The following KHDRBS2 variants were observed in gnomAD, a reference collection of about 807,000 sequenced individuals.
KHDRBS2 encodes the protein KH domain-containing, RNA-binding, signal transduction-associated protein 2.
KHDRBS2 carries 26 observed loss-of-function variants against 44.3 expected under a neutral mutation model. The observed-to-expected ratio is 0.59, with a 90% CI of 0.43 to 0.81. The LOEUF (loss-of-function observed/expected upper bound fraction) is 0.81. Among genes scored for constraint, KHDRBS2 ranks in the 40% least tolerant of loss-of-function variants. KHDRBS2 has a pLI of 0.00. For missense variants in KHDRBS2, 476 were observed against 433.1 expected (o/e 1.10, Z -0.88); for synonymous variants, 194 against 151.1 (o/e 1.28, Z -2.08).
intron 3 of KHDRBS2, among the ~76,000 whole-genome samples, chr6:61,981,803 G>A (rs2127405332): frequency 6.6e-6 from 1 of 152,226 alleles, no homozygotes; most frequent in East Asian, 1.9e-4. Flanking sequence ...TAAAATGTAT[G>A]GGAAGCATTG....
At chr6:61,569,823 A>G in the KHDRBS2 span, among the ~76,000 whole-genome samples, 1 of 152,152 alleles carries the variant, frequency 6.6e-6, no homozygotes, top group African/African-American at 2.4e-5. Flanking sequence ...CAAAAGAACA[A>G]TAACAATCAT....
At chr6:62,097,194 C>T (rs1477946317) in intron 2 of KHDRBS2, among the ~76,000 whole-genome samples, 18 of 151,590 alleles carry the variant, frequency 1.2e-4, no homozygotes, top group African/African-American at 3.4e-4. Flanking sequence ...GAGTAGAGTG[C>T]GTATTCTGAA....
At chr6:61,677,423 A>G (rs1256164405), downstream of KHDRBS2, among the ~76,000 whole-genome samples, 1 of 151,954 alleles carries the variant, frequency 6.6e-6, no homozygotes, top group East Asian at 1.9e-4. Context: ...TAACTCTGTA[A>G]TTTTTGATGT....
At chr6:62,200,356 C>T (rs1277172952) in intron 1 of KHDRBS2, among the ~76,000 whole-genome samples, 1 of 152,110 alleles carries the variant, frequency 6.6e-6, no homozygotes, top group Admixed American at 6.6e-5. Context: ...GGCTAATATC[C>T]AGAATCTACA....
chr6:62,022,837 T>A (rs1782595418), intron 3 of KHDRBS2, among the ~76,000 whole-genome samples: 1 of 151,728 alleles, frequency 6.6e-6, no homozygotes, highest in African/African-American at 2.4e-5. Flanking sequence ...ATTGCAATAG[T>A]GAAATTCCTT....
At chr6:62,115,308 T>A (rs1016584199) in intron 2 of KHDRBS2, among the ~76,000 whole-genome samples, 1 of 152,142 alleles carries the variant, frequency 6.6e-6, no homozygotes, top group African/African-American at 2.4e-5. Flanking sequence ...CAGCACCTTA[T>A]ATACCAATGG....
intron 6 of KHDRBS2, among the ~76,000 whole-genome samples, chr6:61,818,419 C>T (rs904410032): frequency 1.3e-5 from 2 of 151,758 alleles, no homozygotes; most frequent in African/African-American, 2.4e-5. Flanking sequence ...GAAGTGGAAG[C>T]ACCAATGCTA....
At chr6:62,028,391 T>C (rs1783755926) in intron 3 of KHDRBS2, among the ~76,000 whole-genome samples, 1 of 152,118 alleles carries the variant, frequency 6.6e-6, no homozygotes, top group African/African-American at 2.4e-5. Context: ...TTGATGAAAA[T>C]ACTTGAGAAC....
At chr6:62,039,459 A>G (rs1786011533) in intron 3 of KHDRBS2, among the ~76,000 whole-genome samples, 1 of 151,928 alleles carries the variant, frequency 6.6e-6, no homozygotes, top group Admixed American at 6.6e-5. Context: ...CTAAATATAT[A>G]TTAATAGTAT....
the KHDRBS2 span, among the ~76,000 whole-genome samples, chr6:61,673,571 CAA>C: frequency 2.7e-3 from 388 of 142,872 alleles, 1 homozygote; most frequent in Non-Finnish European, 5.0e-3. Flanking sequence ...GCAACTTCAG[CAA>C]AGTCTCAGGA....
intron 6 of KHDRBS2, among the ~76,000 whole-genome samples, chr6:61,748,361 T>A (rs1482401776): frequency 6.6e-6 from 1 of 152,180 alleles, no homozygotes; most frequent in African/African-American, 2.4e-5. Flanking sequence ...ATGTATTTAT[T>A]TATTTTTGAT....
At chr6:62,109,934 G>C (rs1407548888) in intron 2 of KHDRBS2, among the ~76,000 whole-genome samples, 1 of 151,630 alleles carries the variant, frequency 6.6e-6, no homozygotes, top group Non-Finnish European at 1.5e-5. Flanking sequence ...TCTAAAAGAA[G>C]ACATAGGAGG....
At chr6:61,685,492 G>T (rs1256531143) in intron 8 of KHDRBS2, among the ~76,000 whole-genome samples, 1 of 151,780 alleles carries the variant, frequency 6.6e-6, no homozygotes, top group Non-Finnish European at 1.5e-5. Context: ...TAGCAATTAG[G>T]TTGTCATGTT....
At chr6:61,617,119 T>C in the KHDRBS2 span, among the ~76,000 whole-genome samples, 144 of 152,274 alleles carry the variant, frequency 9.5e-4, no homozygotes, top group Non-Finnish European at 1.6e-3. Context: ...CCACACGTAA[T>C]TGGACTATTG....
chr6:61,990,402 T>C (rs1227767018), intron 3 of KHDRBS2, among the ~76,000 whole-genome samples: 1 of 152,102 alleles, frequency 6.6e-6, no homozygotes, highest in Non-Finnish European at 1.5e-5. Flanking sequence ...ATAACAAAAA[T>C]GAATAATGAA....
At chr6:62,173,984 C>T (rs1317488093) in intron 2 of KHDRBS2, among the ~76,000 whole-genome samples, 1 of 151,902 alleles carries the variant, frequency 6.6e-6, no homozygotes, top group East Asian at 1.9e-4. Context: ...GAAGCACTCA[C>T]CTTCAAAACC....
At chr6:61,692,595 A>C (rs924394597) in intron 8 of KHDRBS2, among the ~76,000 whole-genome samples, 3 of 152,106 alleles carry the variant, frequency 2.0e-5, no homozygotes, top group Non-Finnish European at 4.4e-5. Context: ...TATAGGCCCC[A>C]AGGAGACAAA....
chr6:62,151,287 C>G (rs1034644108), intron 2 of KHDRBS2, among the ~76,000 whole-genome samples: 1 of 152,144 alleles, frequency 6.6e-6, no homozygotes, highest in Non-Finnish European at 1.5e-5. Flanking sequence ...TTGCTCTCCC[C>G]TCCTCTAGCA....
chr6:62,227,027 A>T (rs11208228), intron 1 of KHDRBS2, among the ~76,000 whole-genome samples: 2 of 152,086 alleles, frequency 1.3e-5, no homozygotes, highest in African/African-American at 4.8e-5. Flanking sequence ...TTTCCTTTGA[A>T]ATTTAAAGTA....
Sources: allele counts gnomAD v4.1 joint callset (sites outside exome capture counted in the v4.1 genomes callset), GRCh38; gene constraint gnomAD v4.1.1; transcripts MANE v1.5; gene names NCBI Gene and HGNC (gene_info 2026-07-23, HGNC 2026-07-21).